Variants in PRKCB observed in about 807,000 individuals in gnomAD.
PRKCB encodes the protein protein kinase C beta type.
Under a neutral mutation model 81.5 loss-of-function variants are expected in PRKCB, and 13 were observed. That is an observed-to-expected ratio of 0.16 (90% CI 0.10 to 0.25). The LOEUF is 0.25. Among genes scored for constraint, PRKCB ranks in the 10% least tolerant of loss-of-function variants. The probability of loss-of-function intolerance (pLI) is 1.00; values close to 1 mark genes in which losing one functional copy is unlikely to be tolerated. For missense variants in PRKCB, 509 were observed against 875.7 expected (o/e 0.58, Z 5.29); for synonymous variants, 335 against 321.4 (o/e 1.04, Z -0.45).
chr16:23,957,732 A>C (rs1178832381), intron 2 of PRKCB, among the ~76,000 whole-genome samples: 4 of 150,612 alleles, frequency 2.7e-5, no homozygotes, highest in Admixed American at 1.3e-4. Context: ...TCATCTGGCC[A>C]TCACCAGGGT....
chr16:23,905,342 T>A (rs1352480884), intron 2 of PRKCB, among the ~76,000 whole-genome samples: 4 of 152,164 alleles, frequency 2.6e-5, no homozygotes, highest in Non-Finnish European at 5.9e-5. Flanking sequence ...GTACAATGTG[T>A]TACAACACAC....
In PRKCB at chr16:23,836,225, C is replaced by T. The variant is rs773819749; in HGVS notation, c.50C>T (p.Thr17Ile). Residue 17 changes from threonine (T) to isoleucine (I), a missense_variant, in exon 1 of 17, where the codon ACC (threonine) becomes ATC (isoleucine). Physicochemically the swap from Thr to Ile is moderately conservative, Grantham distance 89. Coordinates refer to ENST00000643927, the MANE Select transcript of PRKCB (RefSeq NM_002738.7). ...GPPPSEGEES[T>I]VRFARKGALR... is the part of the protein sequence containing the mutation. ...CCGCCGAGCGAGGGCGAGGAGAGCACCGTGCGCTTCGCCCGCAAAGGCGCC... is the reference window on the plus strand; with the variant it reads ...CCGCCGAGCGAGGGCGAGGAGAGCATCGTGCGCTTCGCCCGCAAAGGCGCC... The T allele has an allele frequency of 6.3e-7, 1 of 1,599,448 alleles. No homozygotes were observed. The highest frequency in any genetic ancestry group is 8.5e-7 in the Non-Finnish European group (1 of 1,173,502).
intron 2 of PRKCB, among the ~76,000 whole-genome samples, chr16:23,878,978 C>G (rs1308802828): frequency 1.3e-5 from 2 of 152,006 alleles, no homozygotes. Context: ...GAGTTCAAGA[C>G]CAGGCTGGCC....
chr16:24,024,484 A>G (rs7194026), intron 3 of PRKCB, among the ~76,000 whole-genome samples: 87,601 of 151,652 alleles, frequency 0.58, 25,701 homozygotes, highest in South Asian at 0.78. Context: ...TCAAGCTAAG[A>G]AAATGATAGG....
intron 2 of PRKCB, among the ~76,000 whole-genome samples, chr16:23,951,165 T>A (rs913392912): frequency 6.6e-6 from 1 of 152,236 alleles, no homozygotes; most frequent in Non-Finnish European, 1.5e-5. Context: ...GGAGGAAAGA[T>A]GAATAATGAG....
chr16:24,082,010 G>A (rs1275188941), intron 5 of PRKCB, among the ~76,000 whole-genome samples: 1 of 152,106 alleles, frequency 6.6e-6, no homozygotes, highest in East Asian at 1.9e-4. Flanking sequence ...TAGAAATAAT[G>A]AGTGAGTTTA....
intron 9 of PRKCB, among the ~76,000 whole-genome samples, chr16:24,135,885 A>G (rs1386736316): frequency 1.3e-5 from 2 of 152,158 alleles, no homozygotes. Flanking sequence ...TTCCTGCACC[A>G]TATGGTGAGT....
chr16:23,866,927 TCTTCC>T (rs1281744812), intron 2 of PRKCB, among the ~76,000 whole-genome samples: 13 of 151,716 alleles, frequency 8.6e-5, no homozygotes, highest in East Asian at 1.9e-4. Context: ...TCTTCTCTTC[TCTTCC>T]CTTCCCTTCC....
intron 2 of PRKCB, among the ~76,000 whole-genome samples, chr16:23,962,101 T>C (rs1457902462): frequency 6.6e-6 from 1 of 152,206 alleles, no homozygotes; most frequent in Non-Finnish European, 1.5e-5. Context: ...AATCATCTGA[T>C]GATTTCCACT....
intron 2 of PRKCB, among the ~76,000 whole-genome samples, chr16:23,902,780 T>TCCTTCCTC (rs1567307987): frequency 1.8e-4 from 5 of 27,378 alleles, no homozygotes; most frequent in Non-Finnish European, 2.5e-4. Flanking sequence ...CTTCCTTCCT[T>TCCTTCCTC]CCTCCCTCCC....
At chr16:24,064,471 C>A (rs1227379394) in intron 5 of PRKCB, among the ~76,000 whole-genome samples, 1 of 152,182 alleles carries the variant, frequency 6.6e-6, no homozygotes, top group Non-Finnish European at 1.5e-5. Flanking sequence ...GTTTCCACCA[C>A]AGTCTGAAAA....
intron 16 of PRKCB, among the ~76,000 whole-genome samples, chr16:24,195,263 A>G (rs956589033): frequency 1.3e-5 from 2 of 151,544 alleles, no homozygotes; most frequent in Admixed American, 1.3e-4. Flanking sequence ...TGCCTTTTAC[A>G]TTGCAAATGC....
At chr16:23,878,202 T>C (rs981149434) in intron 2 of PRKCB, among the ~76,000 whole-genome samples, 3 of 152,218 alleles carry the variant, frequency 2.0e-5, no homozygotes, top group African/African-American at 4.8e-5. Context: ...TAATAAACAC[T>C]GAACCATTGT....
At chr16:24,020,465 G>A (rs1965343481) in intron 3 of PRKCB, among the ~76,000 whole-genome samples, 1 of 152,226 alleles carries the variant, frequency 6.6e-6, no homozygotes, top group Non-Finnish European at 1.5e-5. Flanking sequence ...GACAGCTCAT[G>A]ACTGAAGCTG....
At chr16:24,043,712 C>T (rs912466111) in intron 5 of PRKCB, among the ~76,000 whole-genome samples, 1 of 152,160 alleles carries the variant, frequency 6.6e-6, no homozygotes, top group Non-Finnish European at 1.5e-5. Context: ...TGAGAATTAT[C>T]AAGGCCAGGC....
At position 24,220,248 on chromosome 16, in the gene PRKCB, C is replaced by CT; in HGVS notation, c.*5435dup. 1.9e-6 allele frequency: 2 copies of CT among 1,067,796 alleles called. No individual in the cohort carries two copies. The highest frequency in any genetic ancestry group is 3.3e-5 in the South Asian group (2 of 60,860). The allele number at this position is 1,067,796 out of a possible 1,614,324, so 66.1% of individuals were successfully genotyped here. On this transcript the variant is annotated 3_prime_UTR_variant, in exon 17 of 17. Coordinates refer to ENST00000643927, the MANE Select transcript of PRKCB (RefSeq NM_002738.7). ...GGAAAGCTTGTCTTAGAGGGCTTTT[C>CT]TTTGTATGTGTAGCTTGCTAGTTTG...
rs375207960 is a variant in PRKCB at position 23,880,914 on chromosome 16, C to CT, written c.205+43517dup. Reference sequence around the variant, plus strand: ...TGCTTTTCAATTCACATTTTACGATCTTTTTTTTTGTATGGTTCTGTAGTC... The same window carrying CT: ...TGCTTTTCAATTCACATTTTACGATCTTTTTTTTTTGTATGGTTCTGTAGTC... On this transcript the variant is annotated intron_variant, in intron 2 of 16. Coordinates refer to ENST00000643927, the MANE Select transcript of PRKCB (RefSeq NM_002738.7). Among the ~76,000 whole-genome samples the CT allele has an allele frequency of 5.5e-4, 83 of 151,620 alleles. 1 individual carries two copies. Among genetic ancestry groups the CT allele is most frequent in the East Asian group, 5.2e-3 (27 of 5,154 alleles).
chr16:24,121,729 G>A (rs562326567), intron 8 of PRKCB, among the ~76,000 whole-genome samples: 1 of 152,290 alleles, frequency 6.6e-6, no homozygotes, highest in East Asian at 1.9e-4. Context: ...CAAAACTTTG[G>A]AAAGATTTAT....
chr16:23,943,702 T>A (rs1269495190), intron 2 of PRKCB, among the ~76,000 whole-genome samples: 2 of 152,234 alleles, frequency 1.3e-5, no homozygotes, highest in Non-Finnish European at 2.9e-5. Flanking sequence ...ATGATTTAAT[T>A]TTTTTACAAA....
Sources: allele counts gnomAD v4.1 joint callset (sites outside exome capture counted in the v4.1 genomes callset), GRCh38; gene constraint gnomAD v4.1.1; transcripts MANE v1.5; gene names NCBI Gene and HGNC (gene_info 2026-07-23, HGNC 2026-07-21).